PLEKHD1: variants seen among roughly 807,000 people sequenced by gnomAD.
PLEKHD1 encodes the protein pleckstrin homology domain-containing family D member 1.
PLEKHD1 carries 51 observed loss-of-function variants against 69.2 expected under a neutral mutation model. That is an observed-to-expected ratio of 0.74 (90% CI 0.59 to 0.93). The LOEUF is 0.93. PLEKHD1 is among the 40% of genes least tolerant of loss of function. The probability of loss-of-function intolerance (pLI) is 0.00; values close to 1 mark genes in which losing one functional copy is unlikely to be tolerated. For synonymous variants in PLEKHD1, 236 were observed against 244.7 expected (o/e 0.96, Z 0.33); for missense variants, 584 against 641.0 (o/e 0.91, Z 0.96).
intron 4 of PLEKHD1, chr14:69,501,301 A>C (rs1883019585): frequency 5.4e-6 from 2 of 371,648 alleles, no homozygotes; most frequent in East Asian, 5.5e-5. Flanking sequence ...AGATCACAGA[A>C]ATCTCCTGCC....
intron 3 of PLEKHD1, 34 bp downstream of exon 3, chr14:69,500,700 C>T: frequency 1.9e-6 from 3 of 1,544,168 alleles, no homozygotes; most frequent in Non-Finnish European, 2.6e-6. Context: ...CTGGGCTCCG[C>T]AGGAGCAGAC....
intron 4 of PLEKHD1, 60 bp downstream of exon 4, chr14:69,501,007 C>T (rs1594979624): frequency 2.0e-6 from 3 of 1,481,988 alleles, no homozygotes; most frequent in East Asian, 2.5e-5. Flanking sequence ...GCGGGGCTGC[C>T]CCTGAACTCC....
rs1883529319 is a variant in PLEKHD1 at position 69,522,141 on chromosome 14, T to C, written c.556-142T>C. 6 of 732,134 alleles carry C rather than the reference T, an allele frequency of 8.2e-6. No homozygotes were observed. The South Asian group carries it at 9.4e-5, about 11-fold the overall frequency. The allele number at this position is 732,134 out of a possible 1,614,324, so 45.4% of individuals were successfully genotyped here. ...ATCAATGAGTGGGGCCAGCGGGCCT[T>C]AGAACTTAATTCCCGGTCTGGTGCA... On this transcript the variant is annotated intron_variant, in intron 6 of 12. Transcript: ENST00000322564.
intron 1 of PLEKHD1, among the ~76,000 whole-genome samples, chr14:69,493,320 G>C (rs1199427555): frequency 1.3e-5 from 2 of 152,232 alleles, no homozygotes; most frequent in African/African-American, 4.8e-5. Flanking sequence ...GCATCACAGA[G>C]CACAGCAGGT....
intron 6 of PLEKHD1, among the ~76,000 whole-genome samples, chr14:69,508,473 T>C (rs1230811134): frequency 6.6e-6 from 1 of 151,758 alleles, no homozygotes; most frequent in East Asian, 1.9e-4. Flanking sequence ...CCAGGCTGAG[T>C]GCAGTGGCGT....
chr14:69,500,555 G>T, intron 2 of PLEKHD1, 22 bp from the exon 3 acceptor site: 1 of 1,537,124 alleles, frequency 6.5e-7, no homozygotes, highest in Non-Finnish European at 8.8e-7. Context: ...GGTGGGGGCT[G>T]CCTGTTCTGG....
At chr14:69,506,891 C>CTTTTTCTTTTTTTTTTTTTT (rs1883162581) in intron 6 of PLEKHD1, among the ~76,000 whole-genome samples, 1 of 78,062 alleles carries the variant, frequency 1.3e-5, no homozygotes, top group Non-Finnish European at 2.3e-5. Context: ...CTGGCAACTG[C>CTTTTTCTTTTTTTTTTTTTT]TTTTTTTTTT....
chr14:69,493,004 T>C (rs1882810530), intron 1 of PLEKHD1, among the ~76,000 whole-genome samples: 1 of 152,242 alleles, frequency 6.6e-6, no homozygotes, highest in African/African-American at 2.4e-5. Context: ...GGGGTTGAAA[T>C]GATCCTTCTG....
At chr14:69,477,276 A>C in the PLEKHD1 span, among the ~76,000 whole-genome samples, 1 of 152,066 alleles carries the variant, frequency 6.6e-6, no homozygotes, top group Non-Finnish European at 1.5e-5. Flanking sequence ...CTATCACGAG[A>C]ACAGCACAGG....
In PLEKHD1 at chr14:69,484,898, C is replaced by T; in HGVS notation, c.-68C>T. 1 of 1,515,774 alleles carries T rather than the reference C, an allele frequency of 6.6e-7. No homozygotes were observed. The highest frequency in any genetic ancestry group is 2.5e-5 in the East Asian group (1 of 40,424). 93.9% of individuals were successfully genotyped at this position (1,515,774 alleles called of 1,614,324 possible). A position where few individuals can be genotyped will look rare whatever the true frequency, so the allele number is the denominator to read the frequency against. Reference sequence around the variant, plus strand: ...CTCTCCGACGGCTCCGCCCTCGCCTCTCGCCCCGAGTCCCTGCTGACCCCG... The same window carrying T: ...CTCTCCGACGGCTCCGCCCTCGCCTTTCGCCCCGAGTCCCTGCTGACCCCG... On this transcript the variant is annotated 5_prime_UTR_variant, in exon 1 of 13. Coordinates refer to ENST00000322564, the MANE Select transcript of PLEKHD1 (RefSeq NM_001161498.2).
At chr14:69,500,753 C>A in intron 3 of PLEKHD1, 87 bp downstream of exon 3, 2 of 1,517,648 alleles carry the variant, frequency 1.3e-6, no homozygotes, top group Non-Finnish European at 8.9e-7. Context: ...CATGTCCTGG[C>A]CTGGGAGAGG....
chr14:69,477,879 C>T, the PLEKHD1 span, among the ~76,000 whole-genome samples: 1 of 152,214 alleles, frequency 6.6e-6, no homozygotes, highest in Admixed American at 6.5e-5. Context: ...GTGCATGGTG[C>T]AAGCTGTCAG....
At position 69,500,930 on chromosome 14, in the gene PLEKHD1, G is replaced by T; in HGVS notation, c.393G>T (p.Leu131=). 1.3e-6 allele frequency: 2 copies of T among 1,551,598 alleles called. No homozygotes were observed. The highest frequency in any genetic ancestry group is 1.2e-5 in the South Asian group (1 of 84,066). Residue 131 remains leucine (L), a synonymous_variant, in exon 4 of 13, where the codon CTG becomes CTT. Coordinates refer to ENST00000322564, the MANE Select transcript of PLEKHD1 (RefSeq NM_001161498.2). ...AGCAGACCCAGTGGCTGGAGATGCT[G>T]CAGGAGTCTGGGAAGGTGTAAGTGC... is the stretch of plus-strand genomic sequence containing the variant. ...EFEQTQWLEM[L]QESGKVTWKN... is the part of the protein sequence containing the mutation.
At chr14:69,486,891 G>T (rs1292359204) in intron 1 of PLEKHD1, among the ~76,000 whole-genome samples, 2 of 152,126 alleles carry the variant, frequency 1.3e-5, no homozygotes, top group Admixed American at 6.5e-5. Context: ...AGGAGGCTTG[G>T]AGAGGTTTAG....
chr14:69,517,597 C>T (rs975801219), intron 6 of PLEKHD1, among the ~76,000 whole-genome samples: 2 of 152,044 alleles, frequency 1.3e-5, no homozygotes, highest in African/African-American at 4.8e-5. Flanking sequence ...ATACAAACTG[C>T]TTGCAACATA....
At chr14:69,472,123 C>T in the PLEKHD1 span, among the ~76,000 whole-genome samples, 1 of 152,102 alleles carries the variant, frequency 6.6e-6, no homozygotes, top group Non-Finnish European at 1.5e-5. Flanking sequence ...CCACACACAG[C>T]GATGGTCACA....
chr14:69,522,999 T>A (rs779892680), intron 7 of PLEKHD1, among the ~76,000 whole-genome samples: 15 of 152,178 alleles, frequency 9.9e-5, no homozygotes, highest in Non-Finnish European at 2.2e-4. Flanking sequence ...AGTGGCACGA[T>A]CTCGGCTCAC....
At chr14:69,517,435 T>C (rs1480717483) in intron 6 of PLEKHD1, among the ~76,000 whole-genome samples, 2 of 148,656 alleles carry the variant, frequency 1.3e-5, no homozygotes, top group Non-Finnish European at 3.0e-5. Context: ...AACATAGGAG[T>C]CATTTGCACA....
chr14:69,510,950 G>C (rs1883257612), intron 6 of PLEKHD1, among the ~76,000 whole-genome samples: 1 of 152,140 alleles, frequency 6.6e-6, no homozygotes, highest in African/African-American at 2.4e-5. Context: ...AGTTTGTTGA[G>C]AGTTTTCATC....
Sources: allele counts gnomAD v4.1 joint callset (sites outside exome capture counted in the v4.1 genomes callset), GRCh38; gene constraint gnomAD v4.1.1; transcripts MANE v1.5; gene names NCBI Gene and HGNC (gene_info 2026-07-23, HGNC 2026-07-21).